The following KIF13A variants were observed in gnomAD, a reference collection of about 807,000 sequenced individuals.
KIF13A encodes kinesin family member 13A, also known as kinesin-like protein KIF13A.
KIF13A carries 79 observed loss-of-function variants against 212.2 expected under a neutral mutation model. That is an observed-to-expected ratio of 0.37 (90% CI 0.31 to 0.45). The LOEUF (loss-of-function observed/expected upper bound fraction) is 0.45, where lower values mean the gene tolerates loss of function less well. Among genes scored for constraint, KIF13A ranks in the 20% least tolerant of loss-of-function variants. KIF13A has a pLI of 1.00. For synonymous variants in KIF13A, 789 were observed against 808.6 expected (o/e 0.98, Z 0.41); for missense variants, 1,901 against 2,209.0 (o/e 0.86, Z 2.79).
rs71002278 is a variant in KIF13A, at chr6:17,868,989, C to CAAAAAAAAAAAAAAAAAAAAAAAA, written c.220+4364_220+4387dup. Among the ~76,000 whole-genome samples the CAAAAAAAAAAAAAAAAAAAAAAAA allele has an allele frequency of 3.8e-4, 8 of 20,920 alleles. 1 individual carries two copies. Among genetic ancestry groups the CAAAAAAAAAAAAAAAAAAAAAAAA allele is most frequent in the Non-Finnish European group, 4.6e-4 (5 of 10,846 alleles). 13.7% of individuals were successfully genotyped at this position (20,920 alleles called of 152,430 possible). Reference sequence around the variant, plus strand: ...TGGGCGACAGAGGGAGACTCCCTCTCAAAAAAAAAAAAAAAAAAAAAAAAA... The same window carrying CAAAAAAAAAAAAAAAAAAAAAAAA: ...TGGGCGACAGAGGGAGACTCCCTCTCAAAAAAAAAAAAAAAAAAAAAAAAAAAAAAAAAAAAAAAAAAAAAAAAA... On this transcript the variant is annotated intron_variant, in intron 4 of 38. Transcript: ENST00000259711.
intron 2 of KIF13A, among the ~76,000 whole-genome samples, chr6:17,916,676 T>G (rs1473210947): frequency 6.6e-6 from 1 of 152,194 alleles, no homozygotes; most frequent in Non-Finnish European, 1.5e-5. Flanking sequence ...CACAGTCTCC[T>G]CAAATTGTAT....
At chr6:17,800,139 A>G in intron 20 of KIF13A, 26 bp from the exon 21 acceptor site, 3 of 1,606,580 alleles carry the variant, frequency 1.9e-6, no homozygotes, top group African/African-American at 1.3e-5. Context: ...AGAGCACCTT[A>G]GAGTGAACAG....
In KIF13A at chr6:17,787,193, A is replaced by C. The variant is rs1761127224; in HGVS notation, c.3361+583T>G. On this transcript the variant is annotated intron_variant, in intron 27 of 38. Transcript: ENST00000259711. This position sits in a 1 kb window ranked among gnomAD's most constrained non-coding sequence, Gnocchi z 4.6. ...ACCTTGTATTGACATACTGGTATTG[A>C]TCACATTTGTGTTCATCAAAACGAA... Among the ~76,000 whole-genome samples, 1 of 152,200 alleles carries C rather than the reference A, an allele frequency of 6.6e-6. No individual in the cohort carries two copies. The highest frequency in any genetic ancestry group is 2.1e-4 in the South Asian group (1 of 4,826).
chr6:17,954,826 A>G (rs896263390), intron 2 of KIF13A, among the ~76,000 whole-genome samples: 2 of 152,112 alleles, frequency 1.3e-5, no homozygotes, highest in Non-Finnish European at 2.9e-5. Flanking sequence ...GGCACACAGC[A>G]TCACACCTGG....
Position 17,951,042 on chromosome 6 carries a change from C to T in KIF13A, c.146+36012G>A. ...AAATATATGGGCTATCACAAACCCACTTTAGTAGTACACCTAAGGACACCT... is the reference window on the plus strand; with the variant it reads ...AAATATATGGGCTATCACAAACCCATTTTAGTAGTACACCTAAGGACACCT... On this transcript the variant is annotated intron_variant, in intron 2 of 38. Transcript: ENST00000259711. This position sits in a 1 kb window ranked among gnomAD's most constrained non-coding sequence, Gnocchi z 4.9. The T allele has an allele frequency of 1.4e-5, 14 of 1,033,432 alleles. No individual in the cohort carries two copies. Among genetic ancestry groups the T allele is most frequent in the Non-Finnish European group, 1.6e-5 (14 of 861,146 alleles). 64.0% of individuals were successfully genotyped at this position (1,033,432 alleles called of 1,614,324 possible).
intron 4 of KIF13A, among the ~76,000 whole-genome samples, chr6:17,868,100 G>A (rs935332067): frequency 5.9e-5 from 9 of 152,236 alleles, no homozygotes; most frequent in African/African-American, 1.7e-4. Context: ...GCACATTTGA[G>A]CAACATGCCA....
intron 2 of KIF13A, among the ~76,000 whole-genome samples, chr6:17,921,777 T>C (rs1250730246): frequency 6.6e-6 from 1 of 152,132 alleles, no homozygotes; most frequent in African/African-American, 2.4e-5. Flanking sequence ...CTGCTTCTGG[T>C]TAAACCACTT....
chr6:17,776,203 T>C lies in KIF13A; in HGVS notation c.4170+1074A>G, dbSNP rs535692344. The stretch of plus-strand genomic sequence containing the variant: ...TTCTTTACTTTTTAAGCTAGATGTT[T>C]ACCTAATTCTTTTTTACTCTACTTT... On this transcript the variant is annotated intron_variant, in intron 34 of 38. Coordinates refer to ENST00000259711, the MANE Select transcript of KIF13A (RefSeq NM_022113.6). The surrounding 1 kb of genome is among the most constrained non-coding windows in gnomAD (Gnocchi z 4.6). 7.9e-5 allele frequency among the ~76,000 whole-genome samples: 12 copies of C among 152,270 alleles called. No homozygotes were observed. In the South Asian group the frequency reaches 1.7e-3, roughly 21 times the overall value.
At chr6:17,957,680 C>T (rs923472454) in intron 2 of KIF13A, among the ~76,000 whole-genome samples, 7 of 152,146 alleles carry the variant, frequency 4.6e-5, no homozygotes, top group Non-Finnish European at 1.0e-4. Context: ...ACTGTCAGAA[C>T]TGAATCAGAG....
At chr6:17,852,552 G>C (rs1767758851) in intron 6 of KIF13A, among the ~76,000 whole-genome samples, 1 of 152,056 alleles carries the variant, frequency 6.6e-6, no homozygotes, top group South Asian at 2.1e-4. Context: ...CACGCAGCTG[G>C]GACTACAGGC....
intron 4 of KIF13A, among the ~76,000 whole-genome samples, chr6:17,861,335 C>T (rs1211379935): frequency 6.6e-6 from 1 of 152,110 alleles, no homozygotes; most frequent in Non-Finnish European, 1.5e-5. Context: ...AAATAATGAA[C>T]ATTTTCCCAT....
chr6:17,921,439 T>G (rs368539287), intron 2 of KIF13A, among the ~76,000 whole-genome samples: 2 of 152,348 alleles, frequency 1.3e-5, no homozygotes, highest in South Asian at 2.1e-4. Context: ...CTCAGAGACC[T>G]ACTTTTAAAA....
intron 3 of KIF13A, among the ~76,000 whole-genome samples, chr6:17,896,115 C>T (rs1168647745): frequency 1.3e-5 from 2 of 152,144 alleles, no homozygotes; most frequent in East Asian, 3.9e-4. Flanking sequence ...AAAGTTGGCC[C>T]TCTGTATACA....
chr6:17,787,911 T>C lies in KIF13A; in HGVS notation c.3262-36A>G, dbSNP rs765540053. 11 of 1,088,744 alleles carry C rather than the reference T, an allele frequency of 1.0e-5. No homozygotes were observed. The Admixed American group carries it at 2.3e-4, about 23-fold the overall frequency. 67.4% of individuals were successfully genotyped at this position (1,088,744 alleles called of 1,614,324 possible). A position where few individuals can be genotyped will look rare whatever the true frequency, so the allele number is the denominator to read the frequency against. On this transcript the variant is annotated intron_variant, in intron 26 of 38. Transcript: ENST00000259711. This position sits in a 1 kb window ranked among gnomAD's most constrained non-coding sequence, Gnocchi z 4.6. ...GGAGGGAAAATATTTTCCTGTAGAC[T>C]GCACAGACAACGATTTCTTTCTTTC...
chr6:17,800,205 A>G (rs1762366342), intron 20 of KIF13A, 92 bp from the exon 21 acceptor site: 1 of 1,231,456 alleles, frequency 8.1e-7, no homozygotes, highest in Non-Finnish European at 1.1e-6. Context: ...GTGAACCTGG[A>G]GAGGGGCTCT....
chr6:17,951,528 T>G lies in KIF13A; in HGVS notation c.146+35526A>C. On this transcript the variant is annotated intron_variant, in intron 2 of 38. Transcript: ENST00000259711. The surrounding 1 kb of genome is among the most constrained non-coding windows in gnomAD (Gnocchi z 4.9). ...TCCAATTCAGTGATTTTTAGCATAT[T>G]CACAGAGTTATGTGGCTATCACCAC... The G allele has an allele frequency of 2.3e-6, 1 of 429,840 alleles. No homozygotes were observed. The allele number at this position is 429,840 out of a possible 1,614,324, so 26.6% of individuals were successfully genotyped here.
In KIF13A at chr6:17,886,632, A is replaced by G. The variant is rs1771563213; in HGVS notation, c.159+11536T>C. 6.6e-6 allele frequency among the ~76,000 whole-genome samples: 1 copy of G among 152,184 alleles called. No homozygotes were observed. The highest frequency in any genetic ancestry group is 1.5e-5 in the Non-Finnish European group (1 of 68,024). On this transcript the variant is annotated intron_variant, in intron 3 of 38. Coordinates refer to ENST00000259711, the MANE Select transcript of KIF13A (RefSeq NM_022113.6). The surrounding 1 kb of genome is among the most constrained non-coding windows in gnomAD (Gnocchi z 5.6). ...CTAAAGGCACAGAGTTCCAGTGAGAACATTTGGTTCTGAACAAAGTCGGGC... is the reference window on the plus strand; with the variant it reads ...CTAAAGGCACAGAGTTCCAGTGAGAGCATTTGGTTCTGAACAAAGTCGGGC...
intron 2 of KIF13A, among the ~76,000 whole-genome samples, chr6:17,979,594 T>C (rs1284438289): frequency 4.0e-5 from 6 of 150,826 alleles, no homozygotes; most frequent in South Asian, 2.1e-4. Context: ...AACCTCAGAG[T>C]TTAGGTGAGA....
Position 17,834,016 on chromosome 6 carries a change from T to G in KIF13A, c.1211A>C (p.Lys404Thr). 6.2e-7 allele frequency: 1 copy of G among 1,605,244 alleles called. No homozygotes were observed. Among genetic ancestry groups the G allele is most frequent in the Non-Finnish European group, 8.5e-7 (1 of 1,178,218 alleles). Reference protein sequence around the residue: ...EKLEESEKLIKELTVTWEEKL... With the variant: ...EKLEESEKLITELTVTWEEKL... ...CTCTTCCCAAGTCACTGTTAGTTCT[T>G]TTATCAGCTTTTCAGACTCTTCGAG... is the stretch of plus-strand genomic sequence containing the variant. Residue 404 changes from lysine (K) to threonine (T), a missense_variant, in exon 12 of 39, where the codon AAA becomes ACA. Around this residue, in one of 5 missense-constraint regions of KIF13A, gnomAD observed 506 missense variants for 637.4 expected, o/e 0.79. Transcript: ENST00000259711. This position sits in a 1 kb window ranked among gnomAD's most constrained non-coding sequence, Gnocchi z 4.0.
Sources: allele counts gnomAD v4.1 joint callset (sites outside exome capture counted in the v4.1 genomes callset), GRCh38; gene constraint gnomAD v4.1.1; regional missense constraint gnomAD v4.1.1; non-coding constraint Gnocchi (gnomAD v3.1); transcripts MANE v1.5; gene names NCBI Gene and HGNC (gene_info 2026-07-23, HGNC 2026-07-21).